Variants in ADAMTSL1 observed in about 807,000 individuals in gnomAD.
The protein encoded by ADAMTSL1 is ADAMTS like 1.
A neutral mutation model predicts 201.8 loss-of-function variants in ADAMTSL1; 126 were observed. The ratio of observed to expected loss-of-function variants is 0.62; its 90% CI spans 0.54 to 0.72. The LOEUF is 0.72. ADAMTSL1 is among the 30% of genes least tolerant of loss of function. The pLI, the probability that ADAMTSL1 is intolerant of heterozygous loss-of-function variation, is 0.00. For missense variants in ADAMTSL1, 2,679 were observed against 2,277.8 expected (o/e 1.18, Z -3.59); for synonymous variants, 1,121 against 903.4 (o/e 1.24, Z -4.32).
intron 1 of ADAMTSL1, among the ~76,000 whole-genome samples, chr9:18,087,979 G>A (rs1823842418): frequency 6.6e-6 from 1 of 151,980 alleles, no homozygotes; most frequent in Non-Finnish European, 1.5e-5. Context: ...CAGCCCTGGA[G>A]GTACCACACT....
intron 7 of ADAMTSL1, among the ~76,000 whole-genome samples, chr9:18,644,632 G>T (rs1442502278): frequency 1.3e-5 from 2 of 150,834 alleles, no homozygotes; most frequent in Non-Finnish European, 3.0e-5. Flanking sequence ...GTGAGAACAT[G>T]CAGTGTTTGG....
chr9:18,033,637 C>G (rs1233098223), intron 1 of ADAMTSL1, among the ~76,000 whole-genome samples: 3 of 152,198 alleles, frequency 2.0e-5, no homozygotes, highest in Admixed American at 1.3e-4. Flanking sequence ...TGGAAACAAT[C>G]TCTCAACTTG....
rs184208211 is a variant in ADAMTSL1 at position 18,092,227 on chromosome 9, A to G, written c.88-71635A>G. Among the ~76,000 whole-genome samples, 5 of 152,270 alleles carry G rather than the reference A, an allele frequency of 3.3e-5. No homozygotes were observed. In the East Asian group the frequency reaches 5.8e-4, roughly 18 times the overall value. On this transcript the variant is annotated intron_variant, in intron 1 of 29. Coordinates refer to the ADAMTSL1 transcript ENST00000680146. ...AGACAGTTGGGGAAGACAGACATAT[A>G]AAAAGGCAATTGTAGCTCAACATGA...
chr9:18,889,808 C>T (rs1416416089), intron 25 of ADAMTSL1, 60 bp downstream of exon 25: 35 of 1,388,950 alleles, frequency 2.5e-5, no homozygotes, highest in East Asian at 5.6e-5. Context: ...TCCCTGTTAG[C>T]GAAGTCAGTG....
At chr9:18,351,411 C>T (rs1485686189) in intron 2 of ADAMTSL1, among the ~76,000 whole-genome samples, 1 of 151,770 alleles carries the variant, frequency 6.6e-6, no homozygotes, top group Non-Finnish European at 1.5e-5. Context: ...ATATCTTTGA[C>T]CAGATGAGGA....
intron 15 of ADAMTSL1, among the ~76,000 whole-genome samples, chr9:18,737,911 A>C (rs562760733): frequency 6.6e-6 from 1 of 152,168 alleles, no homozygotes; most frequent in Non-Finnish European, 1.5e-5. Context: ...CCTGAGTTCA[A>C]ATCCTGGCTC....
chr9:18,409,383 C>CAAAAAAAAAAAAAAAAAAAAAGAAA (rs1818336906), intron 2 of ADAMTSL1, among the ~76,000 whole-genome samples: 1 of 77,234 alleles, frequency 1.3e-5, no homozygotes, highest in Non-Finnish European at 2.6e-5. Flanking sequence ...AACTCCGTCT[C>CAAAAAAAAAAAAAAAAAAAAAGAAA]AAAAAAAAAA....
At chr9:18,756,007 A>G (rs970570661) in intron 16 of ADAMTSL1, among the ~76,000 whole-genome samples, 3 of 148,040 alleles carry the variant, frequency 2.0e-5, no homozygotes, top group Non-Finnish European at 3.0e-5. Flanking sequence ...CCCTCCAGAG[A>G]CAGCCCTGTT....
intron 23 of ADAMTSL1, among the ~76,000 whole-genome samples, chr9:18,841,947 G>C (rs958057226): frequency 2.8e-4 from 42 of 151,660 alleles, no homozygotes; most frequent in African/African-American, 9.7e-4. Context: ...TATTAGTCTT[G>C]CTAGCGGTCT....
chr9:18,234,330 G>A (rs186278785), intron 2 of ADAMTSL1, among the ~76,000 whole-genome samples: 38 of 152,258 alleles, frequency 2.5e-4, no homozygotes, highest in Non-Finnish European at 4.0e-4. Flanking sequence ...ATATCTGGGA[G>A]AAATCCAGGT....
At chr9:18,269,644 A>G (rs1017440819) in intron 2 of ADAMTSL1, among the ~76,000 whole-genome samples, 1 of 152,144 alleles carries the variant, frequency 6.6e-6, no homozygotes, top group Non-Finnish European at 1.5e-5. Context: ...GTCTCCTTTC[A>G]TTTTATAACT....
chr9:18,450,851 A>G (rs1402395419), intron 2 of ADAMTSL1, among the ~76,000 whole-genome samples: 1 of 152,250 alleles, frequency 6.6e-6, no homozygotes, highest in African/African-American at 2.4e-5. Flanking sequence ...TCAGAATATC[A>G]TTACATAGAG....
chr9:18,587,448 G>A (rs1278194512), intron 4 of ADAMTSL1, among the ~76,000 whole-genome samples: 2 of 152,092 alleles, frequency 1.3e-5, no homozygotes, highest in Admixed American at 6.6e-5. Context: ...AGTTACTGGG[G>A]TATCTATCAC....
intron 2 of ADAMTSL1, among the ~76,000 whole-genome samples, chr9:18,165,240 A>C (rs1827581893): frequency 6.6e-6 from 1 of 151,942 alleles, no homozygotes; most frequent in South Asian, 2.1e-4. Flanking sequence ...GAAATATTTT[A>C]GCTCATATCG....
At chr9:18,845,045 C>G (rs1427136704) in intron 23 of ADAMTSL1, among the ~76,000 whole-genome samples, 1 of 152,212 alleles carries the variant, frequency 6.6e-6, no homozygotes, top group Non-Finnish European at 1.5e-5. Context: ...ACTGCACCCA[C>G]TGTCCTGCAC....
intron 21 of ADAMTSL1, among the ~76,000 whole-genome samples, chr9:18,820,962 G>A (rs1383424823): frequency 6.6e-6 from 1 of 152,198 alleles, no homozygotes; most frequent in Non-Finnish European, 1.5e-5. Context: ...CCTGGCTGGT[G>A]GTGTGGCTAT....
chr9:18,461,768 G>A (rs970204323), intron 2 of ADAMTSL1, among the ~76,000 whole-genome samples: 3 of 152,108 alleles, frequency 2.0e-5, no homozygotes, highest in African/African-American at 4.8e-5. Flanking sequence ...AAAGGAAGTC[G>A]ACACAAAGAA....
chr9:18,400,144 GTT>G (rs1563935454), intron 2 of ADAMTSL1, among the ~76,000 whole-genome samples: 3 of 151,666 alleles, frequency 2.0e-5, no homozygotes, highest in Non-Finnish European at 2.9e-5. Flanking sequence ...AAGCCATTAA[GTT>G]TTTTCTTTTT....
At chr9:18,320,540 A>T (rs73429000) in intron 2 of ADAMTSL1, among the ~76,000 whole-genome samples, 4,619 of 152,330 alleles carry the variant, frequency 0.03, 176 homozygotes, top group African/African-American at 0.091. Context: ...AAGGGAAATG[A>T]TAGCAGATGG....
Sources: gnomAD v4.1 joint callset for allele counts (sites outside exome capture counted in the v4.1 genomes callset) on GRCh38, gnomAD v4.1.1 for gene constraint, MANE v1.5 for transcripts, NCBI Gene and HGNC (gene_info 2026-07-23, HGNC 2026-07-21) for gene names.